HRH1: variants seen among roughly 807,000 people sequenced by gnomAD.
The protein encoded by HRH1 is histamine receptor H1, also known as histamine H1 receptor.
A neutral mutation model predicts 10.3 loss-of-function variants in HRH1; 6 were observed. That is an observed-to-expected ratio of 0.58 (90% confidence interval 0.32 to 1.15). The LOEUF (loss-of-function observed/expected upper bound fraction) is 1.15. Among genes scored for constraint, HRH1 ranks in the 50% most tolerant of loss-of-function variants. The pLI, the probability that HRH1 is intolerant of heterozygous loss-of-function variation, is 0.05. For missense variants in HRH1, 514 were observed against 615.3 expected (o/e 0.84, Z 1.74); for synonymous variants, 242 against 236.7 (o/e 1.02, Z -0.21).
chr3:11,212,325 G>C (rs1040714719), intron 1 of HRH1, among the ~76,000 whole-genome samples: 2 of 152,198 alleles, frequency 1.3e-5, no homozygotes, highest in South Asian at 4.1e-4. Flanking sequence ...GTCACTTTCA[G>C]ATGGGTTCTT....
At chr3:11,239,396 G>A (rs164101) in intron 1 of HRH1, among the ~76,000 whole-genome samples, 101,434 of 152,068 alleles carry the variant, frequency 0.67, 34,073 homozygotes, top group East Asian at 0.71. Flanking sequence ...AGTGTTCTTT[G>A]TGTATTTTGG....
At chr3:11,253,361 G>A (rs546308863) in intron 1 of HRH1, 1 of 152,238 alleles carries the variant, frequency 6.6e-6, no homozygotes, top group Non-Finnish European at 1.5e-5. Context: ...TTTCCCATTT[G>A]GGACATTGTC....
At chr3:11,173,778 G>T (rs780305809) in intron 1 of HRH1, among the ~76,000 whole-genome samples, 1 of 152,076 alleles carries the variant, frequency 6.6e-6, no homozygotes, top group Non-Finnish European at 1.5e-5. Flanking sequence ...TTCATCTTCT[G>T]TGGGACTCAC....
At chr3:11,149,533 G>A (rs969493597), upstream of HRH1, among the ~76,000 whole-genome samples, 1 of 152,224 alleles carries the variant, frequency 6.6e-6, no homozygotes, top group African/African-American at 2.4e-5. Context: ...GCCAGAACTT[G>A]AGGGATCAAG....
At chr3:11,256,318 C>A (rs1042216783) in intron 1 of HRH1, among the ~76,000 whole-genome samples, 4 of 152,108 alleles carry the variant, frequency 2.6e-5, no homozygotes, top group African/African-American at 9.7e-5. Flanking sequence ...GATTGTCTAT[C>A]CCACCCTACC....
intron 1 of HRH1, among the ~76,000 whole-genome samples, chr3:11,145,038 GA>G (rs1480885447): frequency 6.6e-6 from 1 of 151,934 alleles, no homozygotes; most frequent in Non-Finnish European, 1.5e-5. Flanking sequence ...AGTATCTCTG[GA>G]AGCTCTTCTC....
At chr3:11,186,081 G>A (rs376182977) in intron 1 of HRH1, among the ~76,000 whole-genome samples, 1 of 152,062 alleles carries the variant, frequency 6.6e-6, no homozygotes, top group African/African-American at 2.4e-5. Flanking sequence ...CCTCCAGTGG[G>A]TTCCTGGGCC....
chr3:11,176,772 G>A (rs1268898447), intron 1 of HRH1, among the ~76,000 whole-genome samples: 1 of 152,190 alleles, frequency 6.6e-6, no homozygotes, highest in Non-Finnish European at 1.5e-5. Context: ...AACTCCAAAT[G>A]AGATGCTTCA....
chr3:11,153,373 G>A (rs771528557), upstream of HRH1, among the ~76,000 whole-genome samples: 7 of 152,106 alleles, frequency 4.6e-5, no homozygotes, highest in Non-Finnish European at 1.0e-4. Flanking sequence ...CCAAGAAAAA[G>A]GACCATGGAC....
At chr3:11,193,492 A>C (rs748041357) in intron 1 of HRH1, among the ~76,000 whole-genome samples, 23 of 150,892 alleles carry the variant, frequency 1.5e-4, no homozygotes, top group Admixed American at 7.3e-4. Context: ...GAAGTCCAAG[A>C]TCAAGGCACC....
At chr3:11,216,447 GA>G (rs1167753605) in intron 1 of HRH1, among the ~76,000 whole-genome samples, 3 of 152,186 alleles carry the variant, frequency 2.0e-5, no homozygotes, top group Admixed American at 1.3e-4. Context: ...GCATCCAAAA[GA>G]AAGGAAATCC....
At chr3:11,207,392 G>A (rs111893891) in intron 1 of HRH1, among the ~76,000 whole-genome samples, 3,443 of 151,836 alleles carry the variant, frequency 0.023, 56 homozygotes, top group African/African-American at 0.036. Flanking sequence ...GTGAAACCCC[G>A]TCTCTACTTA....
chr3:11,169,425 G>C (rs186601273), intron 1 of HRH1, among the ~76,000 whole-genome samples: 59 of 152,276 alleles, frequency 3.9e-4, no homozygotes, highest in African/African-American at 1.4e-3. Flanking sequence ...GAGAGGTCTG[G>C]AGGAGTGAGG....
At chr3:11,228,458 T>G (rs1358150713) in intron 1 of HRH1, among the ~76,000 whole-genome samples, 1 of 152,086 alleles carries the variant, frequency 6.6e-6, no homozygotes, top group Non-Finnish European at 1.5e-5. Flanking sequence ...CCAGGAGTGG[T>G]GAGTCCTCAG....
chr3:11,215,837 T>C (rs1255289934), intron 1 of HRH1, among the ~76,000 whole-genome samples: 1 of 152,234 alleles, frequency 6.6e-6, no homozygotes, highest in Non-Finnish European at 1.5e-5. Context: ...TTCCTACTAA[T>C]ACACAGTTGT....
At chr3:11,243,210 G>A (rs955033456) in intron 1 of HRH1, among the ~76,000 whole-genome samples, 2 of 152,260 alleles carry the variant, frequency 1.3e-5, no homozygotes, top group South Asian at 4.1e-4. Context: ...CCCTGCGCCC[G>A]ACCCTGGGTC....
chr3:11,161,416 T>C (rs948186089), intron 1 of HRH1, among the ~76,000 whole-genome samples: 2 of 152,222 alleles, frequency 1.3e-5, no homozygotes, highest in African/African-American at 4.8e-5. Flanking sequence ...AAGTACATCC[T>C]GCTGCCCCTT....
chr3:11,146,800 T>C (rs1936458884), intron 1 of HRH1, among the ~76,000 whole-genome samples: 1 of 152,222 alleles, frequency 6.6e-6, no homozygotes, highest in African/African-American at 2.4e-5. Context: ...CAGAATTCTC[T>C]GTGTCCTGGC....
chr3:11,258,917 C>A, intron 1 of HRH1, 86 bp from the exon 2 acceptor site: 1 of 941,910 alleles, frequency 1.1e-6, no homozygotes, highest in Non-Finnish European at 1.6e-6. Context: ...CAACAGCATA[C>A]AACTCCAGTC....
Sources: gnomAD v4.1 joint callset for allele counts (sites outside exome capture counted in the v4.1 genomes callset) on GRCh38, gnomAD v4.1.1 for gene constraint, MANE v1.5 for transcripts, NCBI Gene and HGNC (gene_info 2026-07-23, HGNC 2026-07-21) for gene names.